GTPBP1: variants seen among roughly 807,000 people sequenced by gnomAD.
GTPBP1 encodes GTP-binding protein 1.
Under a neutral mutation model 62.0 loss-of-function variants are expected in GTPBP1, and 23 were observed. The ratio of observed to expected loss-of-function variants is 0.37; its 90% CI spans 0.27 to 0.53. The LOEUF is 0.53. Among genes scored for constraint, GTPBP1 ranks in the 20% least tolerant of loss-of-function variants. The pLI is 0.89. For missense variants in GTPBP1, 640 were observed against 917.3 expected (o/e 0.70, Z 3.90); for synonymous variants, 344 against 364.4 (o/e 0.94, Z 0.64).
At chr22:38,709,554 A>C (rs532157864) in intron 2 of GTPBP1, among the ~76,000 whole-genome samples, 1 of 152,330 alleles carries the variant, frequency 6.6e-6, no homozygotes, top group East Asian at 1.9e-4. Flanking sequence ...TTCTTGTCTA[A>C]GGTAATAGGG....
At chr22:38,742,380 G>A (rs564884199), downstream of GTPBP1, 26 of 1,613,252 alleles carry the variant, frequency 1.6e-5, no homozygotes, top group East Asian at 8.9e-5. Flanking sequence ...CTCCAGCAGC[G>A]CCAGGGTGTC....
At chr22:38,737,853 T>G, downstream of GTPBP1, 1 of 550,010 alleles carries the variant, frequency 1.8e-6, no homozygotes, top group Non-Finnish European at 3.6e-6. The surrounding 1 kb of genome is among the most constrained non-coding windows in gnomAD (Gnocchi z 4.1). Flanking sequence ...CGCCCTGGCA[T>G]GTGCTGGCGG....
downstream of GTPBP1, chr22:38,742,468 C>T (rs2092867412): frequency 1.2e-6 from 2 of 1,613,588 alleles, no homozygotes; most frequent in South Asian, 1.1e-5. Context: ...CGCATGGCCT[C>T]CTTCTGCCAG....
chr22:38,729,089 C>T (rs1778057202), intron 10 of GTPBP1: 2 of 169,584 alleles, frequency 1.2e-5, no homozygotes, highest in Non-Finnish European at 2.5e-5. Context: ...CGGAGCTCCA[C>T]TTGCCAGGCT....
downstream of GTPBP1, chr22:38,741,192 G>A (rs1168814989): frequency 2.2e-6 from 2 of 922,386 alleles, no homozygotes; most frequent in Non-Finnish European, 3.4e-6. Flanking sequence ...AAATCAAACT[G>A]GCCTCCTTGT....
At position 38,727,439 on chromosome 22, in the gene GTPBP1, T is replaced by C. The variant is rs1460264430; in HGVS notation, c.1537+91T>C. The C allele has an allele frequency of 7.9e-7, 1 of 1,272,148 alleles. No individual in the cohort carries two copies. Among genetic ancestry groups the C allele is most frequent in the Non-Finnish European group, 1.1e-6 (1 of 934,472 alleles). 78.8% of individuals were successfully genotyped at this position (1,272,148 alleles called of 1,614,324 possible). A position where few individuals can be genotyped will look rare whatever the true frequency, so the allele number is the denominator to read the frequency against. ...GCAACCCAGGCCCCCTAGTTCCAGCTGCAGCTGGGTGGTAGGCCTCCTTCC... is the reference window on the plus strand; with the variant it reads ...GCAACCCAGGCCCCCTAGTTCCAGCCGCAGCTGGGTGGTAGGCCTCCTTCC... On this transcript the variant is annotated intron_variant, in intron 9 of 11. Transcript: ENST00000216044. The surrounding 1 kb of genome is among the most constrained non-coding windows in gnomAD (Gnocchi z 6.5).
chr22:38,712,129 A>G (rs1272210138), intron 2 of GTPBP1, among the ~76,000 whole-genome samples: 4 of 152,032 alleles, frequency 2.6e-5, no homozygotes, highest in African/African-American at 9.7e-5. Flanking sequence ...GATCCCCCTG[A>G]GCCTCAAAGT....
intron 6 of GTPBP1, 199 bp from the exon 7 acceptor site, chr22:38,725,807 C>A: frequency 1.7e-6 from 1 of 589,466 alleles, no homozygotes; most frequent in Non-Finnish European, 3.0e-6. Flanking sequence ...AGAAGAAGGC[C>A]TCAGAGTAGG....
In GTPBP1 at chr22:38,706,044, G is replaced by C. The variant is rs1324961393; in HGVS notation, c.89G>C (p.Arg30Thr). 2 of 1,375,646 alleles carry C rather than the reference G, an allele frequency of 1.5e-6. No homozygotes were observed. The highest frequency in any genetic ancestry group is 3.5e-5 in the Admixed American group (1 of 28,724). 85.2% of individuals were successfully genotyped at this position (1,375,646 alleles called of 1,614,324 possible). Residue 30 changes from arginine to threonine, a missense_variant, in exon 1 of 12, where the codon AGG (arginine) becomes ACG (threonine). By Grantham distance (71) the Arg-to-Thr change is moderately conservative (BLOSUM62 -1). Transcript: ENST00000216044. ...APEPSSPGAA[R>T]AAAAAARLHG... ...GAGCCCAGCTCCCCGGGGGCGGCCA[G>C]GGCCGCGGCGGCCGCCGCCCGACTC...
chr22:38,737,175 C>T (rs1437201481), downstream of GTPBP1, among the ~76,000 whole-genome samples: 1 of 152,178 alleles, frequency 6.6e-6, no homozygotes, highest in African/African-American at 2.4e-5. The surrounding 1 kb of genome is among the most constrained non-coding windows in gnomAD (Gnocchi z 4.1). Context: ...GAAATCCCAA[C>T]CTCTCTTGCA....
downstream of GTPBP1, chr22:38,736,513 AC>A: frequency 1.5e-6 from 1 of 656,860 alleles, no homozygotes; most frequent in Non-Finnish European, 2.5e-6. Flanking sequence ...TCTGAAGAGA[AC>A]CAGGCTTCAA....
At chr22:38,741,165 C>T, downstream of GTPBP1, 1 of 1,183,610 alleles carries the variant, frequency 8.4e-7, no homozygotes, top group South Asian at 1.3e-5. Context: ...CCCAAGGTCT[C>T]TTGACCCCTG....
At position 38,726,032 on chromosome 22, in the gene GTPBP1, A is replaced by G. The variant is rs968921341; in HGVS notation, c.1100A>G (p.Asn367Ser). Residue 367 changes from asparagine (N) to serine (S), a missense_variant, in exon 7 of 12, where the codon AAC (asparagine) becomes AGC (serine). Around this residue, in one of 4 missense-constraint regions of GTPBP1, gnomAD observed 220 missense variants for 358.1 expected, o/e 0.61. Coordinates refer to ENST00000216044, the MANE Select transcript of GTPBP1 (RefSeq NM_004286.5). The surrounding 1 kb of genome is among the most constrained non-coding windows in gnomAD (Gnocchi z 4.1). ...ERMCPIFQIS[N>S]VTGENLDLLK... ...ATGTGCCCGATATTCCAGATCTCCA[A>G]CGTTACAGGCGAGAACCTAGATCTG... 9.3e-6 allele frequency: 15 copies of G among 1,613,852 alleles called. No homozygotes were observed. Among genetic ancestry groups the G allele is most frequent in the Non-Finnish European group, 1.2e-5 (14 of 1,179,960 alleles).
chr22:38,739,154 C>T (rs2092832900), downstream of GTPBP1: 2 of 904,060 alleles, frequency 2.2e-6, no homozygotes, highest in Non-Finnish European at 3.5e-6. The surrounding 1 kb of genome is among the most constrained non-coding windows in gnomAD (Gnocchi z 6.7). Context: ...CTCCCTGGCC[C>T]AGGATGGTAC....
At chr22:38,714,419 C>T (rs2092657209) in intron 2 of GTPBP1, among the ~76,000 whole-genome samples, 1 of 143,462 alleles carries the variant, frequency 7.0e-6, no homozygotes, top group Admixed American at 7.4e-5. Flanking sequence ...GCAGAGGTTG[C>T]TGTGAGCAAG....
downstream of GTPBP1, chr22:38,741,428 C>G: frequency 6.6e-7 from 1 of 1,516,728 alleles, no homozygotes. Context: ...CCGAGGGGTC[C>G]GAGGTGAACA....
At position 38,729,453 on chromosome 22, in the gene GTPBP1, C is replaced by T. The variant is rs1264285781; in HGVS notation, c.1717-9C>T. The T allele has an allele frequency of 5.7e-6, 9 of 1,590,036 alleles. No homozygotes were observed. The Admixed American group carries it at 7.1e-5, about 12-fold the overall frequency. On this transcript the variant is annotated splice_polypyrimidine_tract_variant and intron_variant, in intron 10 of 11. Coordinates refer to ENST00000216044, the MANE Select transcript of GTPBP1 (RefSeq NM_004286.5). Reference sequence around the variant, plus strand: ...CTCCAGCCTCAGCCTCTCTCCATGGCTCCCACAGCTCCTCCAGACCACCAA... The same window carrying T: ...CTCCAGCCTCAGCCTCTCTCCATGGTTCCCACAGCTCCTCCAGACCACCAA...
At position 38,730,630 on chromosome 22, in the gene GTPBP1, G is replaced by T. The variant is rs777836324; in HGVS notation, c.1936G>T (p.Gly646Cys). The T allele has an allele frequency of 6.0e-5, 97 of 1,605,256 alleles. No individual in the cohort carries two copies. The highest frequency in any genetic ancestry group is 8.1e-5 in the Non-Finnish European group (96 of 1,178,238). ...CTTTCAGCCTAAGCCCAGCAGTGGA[G>T]GCCGGCGACGAGGGGGCCAGCGCCA... ...LQPQPKPSSGGRRRGGQRHKV... is the reference protein window; with the variant it reads ...LQPQPKPSSGCRRRGGQRHKV... Residue 646 changes from glycine to cysteine, a missense_variant, in exon 12 of 12, where the codon GGC becomes TGC. By Grantham distance (159) the Gly-to-Cys change is radical (BLOSUM62 -3). Around this residue, in one of 4 missense-constraint regions of GTPBP1, gnomAD observed 117 missense variants for 107.1 expected, o/e 1.09. Transcript: ENST00000216044. This position sits in a 1 kb window ranked among gnomAD's most constrained non-coding sequence, Gnocchi z 5.6.
In GTPBP1 at chr22:38,726,130, G is replaced by A; in HGVS notation, c.1198G>A (p.Asp400Asn). 6.2e-7 allele frequency: 1 copy of A among 1,614,012 alleles called. No homozygotes were observed. The highest frequency in any genetic ancestry group is 8.5e-7 in the Non-Finnish European group (1 of 1,179,894). ...GGAGGAGCCTGCTGAGTTTCAGATT[G>A]ATGACACCTACTCCGTCCCGGTAAG... ...REEEPAEFQI[D>N]DTYSVPGVGT... The change falls in exon 7 of 12, where the codon GAT becomes AAT. Residue 400 changes from aspartate (D) to asparagine (N), a missense_variant. By Grantham distance (23) the Asp-to-Asn change is conservative. Transcript: ENST00000216044. This position sits in a 1 kb window ranked among gnomAD's most constrained non-coding sequence, Gnocchi z 4.1.
Sources: gnomAD v4.1 joint callset for allele counts (sites outside exome capture counted in the v4.1 genomes callset) on GRCh38, gnomAD v4.1.1 for gene constraint, gnomAD v4.1.1 regional missense constraint, Gnocchi (gnomAD v3.1) non-coding constraint, MANE v1.5 for transcripts, NCBI Gene and HGNC (gene_info 2026-07-23, HGNC 2026-07-21) for gene names.